Variants in ITGA11 observed in about 807,000 individuals in gnomAD.
ITGA11 encodes integrin subunit alpha 11, also known as integrin alpha-11.
ITGA11 carries 97 observed loss-of-function variants against 141.9 expected under a neutral mutation model. The observed-to-expected ratio is 0.68, with a 90% confidence interval of 0.58 to 0.81. The LOEUF is 0.81. ITGA11 is among the 30% of genes least tolerant of loss of function. The probability of loss-of-function intolerance (pLI) is 0.00; values close to 1 mark genes in which losing one functional copy is unlikely to be tolerated. For synonymous variants in ITGA11, 658 were observed against 624.6 expected, an observed-to-expected ratio of 1.05 and a Z score of -0.80; for missense variants, 1,387 against 1,559.2, an observed-to-expected ratio of 0.89 and a Z score of 1.86.
rs1226006490 is a variant in ITGA11 at position 68,305,657 on chromosome 15, C to T, written c.3381+1691G>A. Reference sequence around the variant, plus strand: ...CAAGTCACTGTCCCTCCTGCCTCATCTCACATGCCTCGGTGTGCATACCTG... The same window carrying T: ...CAAGTCACTGTCCCTCCTGCCTCATTTCACATGCCTCGGTGTGCATACCTG... On this transcript the variant is annotated intron_variant, in intron 28 of 29. Coordinates refer to ENST00000315757, the MANE Select transcript of ITGA11 (RefSeq NM_001004439.2). This position sits in a 1 kb window ranked among gnomAD's most constrained non-coding sequence, Gnocchi z 4.6. Among the ~76,000 whole-genome samples the T allele has an allele frequency of 6.6e-6, 1 of 152,222 alleles. No homozygotes were observed.
chr15:68,335,509 G>A lies in ITGA11; in HGVS notation c.1425+188C>T, dbSNP rs555174599. Among the ~76,000 whole-genome samples the A allele has an allele frequency of 6.6e-6, 1 of 152,350 alleles. No homozygotes were observed. The highest frequency in any genetic ancestry group is 2.4e-5 in the African/African-American group (1 of 41,596). On this transcript the variant is annotated intron_variant, in intron 12 of 29. Transcript: ENST00000315757. This position sits in a 1 kb window ranked among gnomAD's most constrained non-coding sequence, Gnocchi z 4.9. ...AAAGGGAAGCAGCTGGCATCCTGGA[G>A]GGCCCATGGGGCCTTCTGTAGGTGG...
rs530304340 is a variant in ITGA11, at chr15:68,430,403, C to G, written c.52+1612G>C. Among the ~76,000 whole-genome samples the G allele has an allele frequency of 7.2e-5, 11 of 152,286 alleles. No individual in the cohort carries two copies. In the South Asian group the frequency reaches 1.2e-3, roughly 17 times the overall value. ...ACATAAGGAAACCTGTTGGAAAGGT[C>G]GCATAACCAGTCCAAGATTGAACAG... On this transcript the variant is annotated intron_variant, in intron 1 of 29. Transcript: ENST00000315757.
At position 68,305,952 on chromosome 15, in the gene ITGA11, C is replaced by T. The variant is rs897099377; in HGVS notation, c.3381+1396G>A. On this transcript the variant is annotated intron_variant, in intron 28 of 29. Transcript: ENST00000315757. The surrounding 1 kb of genome is among the most constrained non-coding windows in gnomAD (Gnocchi z 4.6). Reference sequence around the variant, plus strand: ...CTGTAATCCCAGCACTTTGGGAAGCCGAGGCGGGCAGATCATGAGGTCAGG... The same window carrying T: ...CTGTAATCCCAGCACTTTGGGAAGCTGAGGCGGGCAGATCATGAGGTCAGG... 1.3e-5 allele frequency among the ~76,000 whole-genome samples: 2 copies of T among 151,034 alleles called. No homozygotes were observed. Among genetic ancestry groups the T allele is most frequent in the African/African-American group, 2.4e-5 (1 of 40,910 alleles).
chr15:68,374,730 G>A (rs1366258139), intron 2 of ITGA11, among the ~76,000 whole-genome samples: 1 of 152,240 alleles, frequency 6.6e-6, no homozygotes, highest in African/African-American at 2.4e-5. Context: ...GCTTGCCTCT[G>A]CAGGAGATCC....
chr15:68,321,619 T>G lies in ITGA11; in HGVS notation c.2323-116A>C. 3.8e-6 allele frequency: 2 copies of G among 531,284 alleles called. No homozygotes were observed. The highest frequency in any genetic ancestry group is 6.7e-6 in the Non-Finnish European group (2 of 297,590). 32.9% of individuals were successfully genotyped at this position (531,284 alleles called of 1,614,324 possible). ...GACATGGGCTGGCTTTCCTGCACTG[T>G]CCCCAGACACCACACTGCTCTGTCT... On this transcript the variant is annotated intron_variant, in intron 18 of 29. Transcript: ENST00000315757. This position sits in a 1 kb window ranked among gnomAD's most constrained non-coding sequence, Gnocchi z 4.9.
intron 3 of ITGA11, among the ~76,000 whole-genome samples, chr15:68,365,928 G>A (rs1415703010): frequency 1.3e-5 from 2 of 152,110 alleles, no homozygotes; most frequent in African/African-American, 2.4e-5. Flanking sequence ...AGTCGGCCTG[G>A]CTCCCAGGGC....
At chr15:68,320,929 C>T (rs1893784711) in intron 19 of ITGA11, among the ~76,000 whole-genome samples, 1 of 152,032 alleles carries the variant, frequency 6.6e-6, no homozygotes, top group Non-Finnish European at 1.5e-5. Flanking sequence ...TGATATTGTT[C>T]ATTATTTTCC....
At chr15:68,357,969 T>C (rs1895122156) in intron 6 of ITGA11, among the ~76,000 whole-genome samples, 1 of 152,202 alleles carries the variant, frequency 6.6e-6, no homozygotes, top group Non-Finnish European at 1.5e-5. Flanking sequence ...TTAGATTGAC[T>C]TGAAATCTGC....
At chr15:68,334,689 A>G (rs1273346851) in intron 12 of ITGA11, among the ~76,000 whole-genome samples, 1 of 152,200 alleles carries the variant, frequency 6.6e-6, no homozygotes. Context: ...GGCCTCAGCT[A>G]TGTGGGTCAC....
chr15:68,327,200 G>C (rs1463322599), intron 16 of ITGA11, among the ~76,000 whole-genome samples: 1 of 152,128 alleles, frequency 6.6e-6, no homozygotes, highest in African/African-American at 2.4e-5. Flanking sequence ...CAGAGCCTTT[G>C]CTGGGTACTT....
intron 2 of ITGA11, among the ~76,000 whole-genome samples, chr15:68,391,377 A>G (rs138634955): frequency 6.6e-6 from 1 of 152,324 alleles, no homozygotes; most frequent in African/African-American, 2.4e-5. Flanking sequence ...TGGTTCTGTC[A>G]TATCTTTCTG....
intron 7 of ITGA11, among the ~76,000 whole-genome samples, chr15:68,356,275 T>C (rs76337554): frequency 6.6e-6 from 1 of 151,920 alleles, no homozygotes. Context: ...TGTTTTTTTT[T>C]TGTATTTTAG....
At chr15:68,413,147 C>T (rs970664084) in intron 1 of ITGA11, among the ~76,000 whole-genome samples, 2 of 152,100 alleles carry the variant, frequency 1.3e-5, no homozygotes, top group African/African-American at 4.8e-5. Flanking sequence ...GGAGGAATTT[C>T]CCACCCTCAG....
intron 2 of ITGA11, among the ~76,000 whole-genome samples, chr15:68,395,586 C>T (rs8030538): frequency 6.9e-6 from 1 of 144,886 alleles, no homozygotes; most frequent in Non-Finnish European, 1.5e-5. Context: ...AGATTAAATT[C>T]ATGAAATAAA....
chr15:68,367,488 G>C (rs1895460286), intron 3 of ITGA11, among the ~76,000 whole-genome samples: 1 of 152,050 alleles, frequency 6.6e-6, no homozygotes, highest in Admixed American at 6.6e-5. Flanking sequence ...AAAACTACCT[G>C]CTCAGAGAAG....
In ITGA11 at chr15:68,361,617, A is replaced by C; in HGVS notation, c.445T>G (p.Ser149Ala). 6.2e-7 allele frequency: 1 copy of C among 1,608,858 alleles called. No individual in the cohort carries two copies. The highest frequency in any genetic ancestry group is 8.5e-7 in the Non-Finnish European group (1 of 1,177,576). ...CSRVNSNFRFSKTVAPALQRC... is the reference protein window; with the variant it reads ...CSRVNSNFRFAKTVAPALQRC... ...TGGAGAGCTGGGGCCACGGTCTTGG[A>C]GAACCTGAAGTTGGAGTTGACTCTT... Residue 149 changes from serine to alanine, a missense_variant, in exon 5 of 30, where the codon TCC becomes GCC. By Grantham distance (99) the Ser-to-Ala change is moderately conservative (BLOSUM62 1). Transcript: ENST00000315757.
At chr15:68,371,781 C>T (rs907986078) in intron 2 of ITGA11, among the ~76,000 whole-genome samples, 20 of 151,784 alleles carry the variant, frequency 1.3e-4, no homozygotes, top group East Asian at 1.9e-4. Flanking sequence ...GCAAGCTATG[C>T]GCAAAGACTG....
rs771565465 is a variant in ITGA11 at position 68,303,731 on chromosome 15, G to T, written c.3495+41C>A. The T allele has an allele frequency of 7.0e-7, 1 of 1,421,250 alleles. No homozygotes were observed. The highest frequency in any genetic ancestry group is 9.9e-7 in the Non-Finnish European group (1 of 1,012,704). 88.0% of individuals were successfully genotyped at this position (1,421,250 alleles called of 1,614,324 possible). On this transcript the variant is annotated intron_variant, in intron 29 of 29. Transcript: ENST00000315757. The surrounding 1 kb of genome is among the most constrained non-coding windows in gnomAD (Gnocchi z 5.3). ...CAGGGGCTGGAGCCTGGGCCCACCA[G>T]CCAGGATGCTGCTCCTTCCCTCCCC... is the stretch of plus-strand genomic sequence containing the variant.
chr15:68,312,486 G>C (rs1180227961), intron 24 of ITGA11, among the ~76,000 whole-genome samples: 3 of 152,192 alleles, frequency 2.0e-5, no homozygotes, highest in East Asian at 1.9e-4. Context: ...TTATGGGAGA[G>C]AGTAAACCCT....
Sources: gnomAD v4.1 joint callset for allele counts (sites outside exome capture counted in the v4.1 genomes callset) on GRCh38, gnomAD v4.1.1 for gene constraint, Gnocchi (gnomAD v3.1) non-coding constraint, MANE v1.5 for transcripts, NCBI Gene and HGNC (gene_info 2026-07-23, HGNC 2026-07-21) for gene names.